Variants in SULT4A1 observed in about 807,000 individuals in gnomAD.
SULT4A1 encodes the protein sulfotransferase family 4A member 1.
A neutral mutation model predicts 35.2 loss-of-function variants in SULT4A1; 11 were observed. The ratio of observed to expected loss-of-function variants is 0.31; its 90% CI spans 0.20 to 0.52. SULT4A1 has a LOEUF of 0.52. Ranked by LOEUF, SULT4A1 falls within the 20% of genes least tolerant of loss-of-function variation. The pLI, the probability that SULT4A1 is intolerant of heterozygous loss-of-function variation, is 0.97. For synonymous variants in SULT4A1, 152 were observed against 151.8 expected (o/e 1.00, Z -0.01); for missense variants, 271 against 383.7 (o/e 0.71, Z 2.45).
Position 43,862,255 on chromosome 22 carries a change from A to C in SULT4A1, c.128T>G (p.Val43Gly). 1 of 1,568,842 alleles carries C rather than the reference A, an allele frequency of 6.4e-7. No homozygotes were observed. The highest frequency in any genetic ancestry group is 8.6e-7 in the Non-Finnish European group (1 of 1,156,970). The change falls in exon 1 of 7, where the codon GTG (valine) becomes GGG (glycine). Residue 43 changes from valine to glycine, a missense_variant. Val to Gly is a moderately radical substitution (Grantham distance 109, BLOSUM62 -3). Coordinates refer to ENST00000330884, the MANE Select transcript of SULT4A1 (RefSeq NM_014351.4). ...GKMEEIANFP[V>G]RPSDVWIVTY... ...GACGATCCACACGTCGCTGGGCCGC[A>C]CCGGGAAGTTGGCGATCTCCTCCAT...
intron 4 of SULT4A1, among the ~76,000 whole-genome samples, chr22:43,836,446 A>C (rs1293073350): frequency 3.4e-5 from 4 of 119,228 alleles, no homozygotes; most frequent in Non-Finnish European, 5.3e-5. Flanking sequence ...CAGCGTCCTC[A>C]CACTGCAGGT....
chr22:43,846,787 C>G (rs957748608), intron 1 of SULT4A1, among the ~76,000 whole-genome samples: 7 of 152,246 alleles, frequency 4.6e-5, no homozygotes, highest in Admixed American at 3.9e-4. Flanking sequence ...CCCAGCAGCT[C>G]AGGACAGCTG....
intron 1 of SULT4A1, among the ~76,000 whole-genome samples, chr22:43,848,741 A>G (rs138087): frequency 0.89 from 135,181 of 152,272 alleles, 60,214 homozygotes; most frequent in East Asian, 0.99. Flanking sequence ...GGGCAAATAC[A>G]CCGCTGCCGA....
At position 43,851,624 on chromosome 22, in the gene SULT4A1, G is replaced by A. The variant is rs146813533; in HGVS notation, c.170-9692C>T. ...AGGGTGCCTCCAACCCCAGCCTGGA[G>A]ACTGGAACCAGGTCACAGGCATCCT... On this transcript the variant is annotated intron_variant, in intron 1 of 6. Coordinates refer to ENST00000330884, the MANE Select transcript of SULT4A1 (RefSeq NM_014351.4). Among the ~76,000 whole-genome samples the A allele has an allele frequency of 4.5e-3, 687 of 152,298 alleles. 10 individuals are homozygous for A. Among genetic ancestry groups the A allele is most frequent in the African/African-American group, 0.016 (646 of 41,550 alleles).
intron 1 of SULT4A1, among the ~76,000 whole-genome samples, chr22:43,851,231 C>T (rs1015310215): frequency 2.0e-5 from 3 of 152,182 alleles, no homozygotes; most frequent in Admixed American, 2.0e-4. Context: ...ACTCGTTATT[C>T]CAGTCTTCAC....
chr22:43,850,140 G>GACCCAC (rs1002689967), intron 1 of SULT4A1, among the ~76,000 whole-genome samples: 27 of 152,188 alleles, frequency 1.8e-4, no homozygotes, highest in African/African-American at 5.8e-4. Flanking sequence ...AAGGCACAAA[G>GACCCAC]ACCCACGGTT....
chr22:43,832,546 C>T (rs947200580), intron 5 of SULT4A1, among the ~76,000 whole-genome samples: 3 of 152,124 alleles, frequency 2.0e-5, no homozygotes, highest in African/African-American at 7.2e-5. Flanking sequence ...CTGCAGGAAA[C>T]GCAAGGCACA....
intron 1 of SULT4A1, among the ~76,000 whole-genome samples, chr22:43,860,324 G>GC (rs138106): frequency 1 from 152,316 of 152,318 alleles, 76,157 homozygotes; most frequent in Middle Eastern, 1. Context: ...ACCAGATGGG[G>GC]CCCTCTCGGC....
At chr22:43,847,584 A>G (rs376886864) in intron 1 of SULT4A1, among the ~76,000 whole-genome samples, 1 of 46,072 alleles carries the variant, frequency 2.2e-5, no homozygotes. Context: ...CCCTCCACCC[A>G]CCCCCTCTTC....
At chr22:43,858,436 A>G (rs2049428143) in intron 1 of SULT4A1, among the ~76,000 whole-genome samples, 1 of 152,128 alleles carries the variant, frequency 6.6e-6, no homozygotes, top group Non-Finnish European at 1.5e-5. Flanking sequence ...CCCCAGGTCA[A>G]GCCTCCTGAG....
At chr22:43,847,084 C>T (rs2063481542) in intron 1 of SULT4A1, among the ~76,000 whole-genome samples, 1 of 152,124 alleles carries the variant, frequency 6.6e-6, no homozygotes, top group South Asian at 2.1e-4. Context: ...CCCCGTGGCC[C>T]TTCTCTCCAG....
At chr22:43,860,900 C>T (rs1299292075) in intron 1 of SULT4A1, among the ~76,000 whole-genome samples, 1 of 152,146 alleles carries the variant, frequency 6.6e-6, no homozygotes, top group Admixed American at 6.5e-5. Flanking sequence ...CCTAGCTAGA[C>T]CTGACCTCTG....
intron 3 of SULT4A1, among the ~76,000 whole-genome samples, chr22:43,839,256 C>A (rs2063404589): frequency 6.6e-6 from 1 of 152,236 alleles, no homozygotes; most frequent in Non-Finnish European, 1.5e-5. Context: ...ACTTTAAAAT[C>A]TGCAGAAGAC....
At chr22:43,848,153 G>A (rs1448947063) in intron 1 of SULT4A1, among the ~76,000 whole-genome samples, 1 of 152,194 alleles carries the variant, frequency 6.6e-6, no homozygotes, top group African/African-American at 2.4e-5. Context: ...GCTGGCCCAG[G>A]AGTCCCAGGA....
chr22:43,853,389 G>A (rs470090), intron 1 of SULT4A1, among the ~76,000 whole-genome samples: 35,746 of 152,172 alleles, frequency 0.23, 4,413 homozygotes, highest in African/African-American at 0.32. Flanking sequence ...CTGGGCCTGG[G>A]ACCCTGGGAA....
Position 43,839,124 on chromosome 22 carries a change from G to C in SULT4A1, c.382-131C>G. On this transcript the variant is annotated intron_variant, in intron 3 of 6. Transcript: ENST00000330884. Reference sequence around the variant, plus strand: ...AACACCTGCTTCCAGCGTCCAGCTGGGGCCCATGTGCACGGCTGCTGGGTG... The same window carrying C: ...AACACCTGCTTCCAGCGTCCAGCTGCGGCCCATGTGCACGGCTGCTGGGTG... The C allele has an allele frequency of 6.4e-6, 8 of 1,255,472 alleles. No individual in the cohort carries two copies. In the South Asian group the frequency reaches 9.8e-5, roughly 15 times the overall value. 77.8% of individuals were successfully genotyped at this position (1,255,472 alleles called of 1,614,324 possible). A position where few individuals can be genotyped will look rare whatever the true frequency, so the allele number is the denominator to read the frequency against.
rs2063296141 is a variant in SULT4A1 at position 43,827,538 on chromosome 22, C to T, written c.743-1425G>A. ...CCTGGTTTAGGATTTGGAATCAAGA[C>T]AATTTATGCTGTGACATGAATCAAA... On this transcript the variant is annotated intron_variant, in intron 6 of 6. Coordinates refer to ENST00000330884, the MANE Select transcript of SULT4A1 (RefSeq NM_014351.4). 17 of 1,360,566 alleles carry T rather than the reference C, an allele frequency of 1.2e-5. No homozygotes were observed. In the South Asian group the frequency reaches 1.3e-4, roughly 10 times the overall value. The allele number at this position is 1,360,566 out of a possible 1,614,324, so 84.3% of individuals were successfully genotyped here. A position where few individuals can be genotyped will look rare whatever the true frequency, so the allele number is the denominator to read the frequency against.
At chr22:43,833,231 C>A (rs1466451024) in intron 5 of SULT4A1, among the ~76,000 whole-genome samples, 1 of 152,148 alleles carries the variant, frequency 6.6e-6, no homozygotes, top group African/African-American at 2.4e-5. Flanking sequence ...TTTCTCCCAA[C>A]ACCTAGAAAA....
chr22:43,838,725 A>T, intron 4 of SULT4A1, 142 bp downstream of exon 4: 1 of 1,114,378 alleles, frequency 9.0e-7, no homozygotes, highest in Non-Finnish European at 1.3e-6. Context: ...CAGTGTCTTC[A>T]TCTGTAAAGT....
Sources: gnomAD v4.1 joint callset for allele counts (sites outside exome capture counted in the v4.1 genomes callset) on GRCh38, gnomAD v4.1.1 for gene constraint, MANE v1.5 for transcripts, NCBI Gene and HGNC (gene_info 2026-07-23, HGNC 2026-07-21) for gene names.